Variants in ARHGAP35 observed in about 807,000 individuals in gnomAD.
ARHGAP35 encodes the protein Rho GTPase activating protein 35.
In ARHGAP35, 15 loss-of-function variants were observed where a neutral mutation model predicts 111.1. The ratio of observed to expected loss-of-function variants is 0.13; its 90% CI spans 0.09 to 0.21. The LOEUF is 0.21. Ranked by LOEUF, ARHGAP35 falls within the 10% of genes least tolerant of loss-of-function variation. The pLI, the probability that ARHGAP35 is intolerant of heterozygous loss-of-function variation, is 1.00. For synonymous variants in ARHGAP35, 643 were observed against 710.3 expected (o/e 0.91, Z 1.51); for missense variants, 1,262 against 1,873.0 (o/e 0.67, Z 6.02).
rs2122350794 is a variant in ARHGAP35, at chr19:46,993,970, C to G, written c.4036+4295C>G. ...TAGAAAAAACTAAGTGTCTTGACTC[C>G]CAAAGGGCAGGCTGAGGGAGCAGAG... On this transcript the variant is annotated intron_variant, in intron 5 of 6. Coordinates refer to ENST00000672722, the MANE Select transcript of ARHGAP35 (RefSeq NM_004491.5). The surrounding 1 kb of genome is among the most constrained non-coding windows in gnomAD (Gnocchi z 4.6). Among the ~76,000 whole-genome samples, 1 of 152,296 alleles carries G rather than the reference C, an allele frequency of 6.6e-6. No individual in the cohort carries two copies.
chr19:46,942,949 G>A (rs2056357559), intron 3 of ARHGAP35, among the ~76,000 whole-genome samples: 1 of 151,972 alleles, frequency 6.6e-6, no homozygotes, highest in South Asian at 2.1e-4. Flanking sequence ...TTTGTACTAG[G>A]ATTCAATCAA....
At chr19:46,947,455 T>C (rs888473314) in intron 3 of ARHGAP35, 2 of 152,200 alleles carry the variant, frequency 1.3e-5, no homozygotes, top group African/African-American at 4.8e-5. Context: ...TGGAAAACTC[T>C]TTGGCAGTTT....
chr19:46,940,606 T>A (rs1393065826), intron 3 of ARHGAP35, among the ~76,000 whole-genome samples: 1 of 134,792 alleles, frequency 7.4e-6, no homozygotes, highest in Non-Finnish European at 1.5e-5. Context: ...TGTTTTCCCT[T>A]TTTTTTTTTT....
chr19:46,924,362 C>T (rs926542246), intron 2 of ARHGAP35, among the ~76,000 whole-genome samples: 5 of 152,234 alleles, frequency 3.3e-5, no homozygotes, highest in African/African-American at 9.6e-5. Context: ...CTTTGTGCTA[C>T]ATCCCATAGT....
chr19:46,861,346 CCCCCCCCA>C (rs1015186957), intron 1 of ARHGAP35, among the ~76,000 whole-genome samples, 137 bp downstream of exon 1: 6 of 149,652 alleles, frequency 4.0e-5, no homozygotes, highest in South Asian at 4.2e-4. Flanking sequence ...AGGAGCGGCC[CCCCCCCCA>C]GCCCCCCGGG....
chr19:46,864,458 G>T (rs892619856), intron 1 of ARHGAP35, among the ~76,000 whole-genome samples: 2 of 152,140 alleles, frequency 1.3e-5, no homozygotes, highest in Non-Finnish European at 1.5e-5. Context: ...CAACTGTGAA[G>T]GAGCATTTAC....
At chr19:46,897,674 T>C (rs2056064479) in intron 1 of ARHGAP35, among the ~76,000 whole-genome samples, 1 of 146,926 alleles carries the variant, frequency 6.8e-6, no homozygotes, top group African/African-American at 2.5e-5. Flanking sequence ...TGTAATGGGA[T>C]TTTCAGGCTA....
At chr19:46,929,329 T>C (rs2056257682) in intron 2 of ARHGAP35, among the ~76,000 whole-genome samples, 2 of 152,094 alleles carry the variant, frequency 1.3e-5, no homozygotes, top group African/African-American at 2.4e-5. Context: ...AAGAGAATAA[T>C]TGCCAATCAG....
Position 46,919,327 on chromosome 19 carries a change from T to G in ARHGAP35, c.652T>G (p.Leu218Val). The G allele has an allele frequency of 6.2e-7, 1 of 1,614,024 alleles. No homozygotes were observed. The highest frequency in any genetic ancestry group is 8.5e-7 in the Non-Finnish European group (1 of 1,179,896). ...RYIRDAHTFA[L>V]SKKNLQVVET... Reference sequence around the variant, plus strand: ...CATTAGAGATGCACATACTTTTGCCTTAAGCAAAAAGAACCTCCAGGTTGT... The same window carrying G: ...CATTAGAGATGCACATACTTTTGCCGTAAGCAAAAAGAACCTCCAGGTTGT... Residue 218 changes from leucine to valine, a missense_variant, in exon 2 of 7, where the codon TTA becomes GTA. Leu to Val is a conservative substitution (Grantham distance 32). Coordinates refer to ENST00000672722, the MANE Select transcript of ARHGAP35 (RefSeq NM_004491.5). The surrounding 1 kb of genome is among the most constrained non-coding windows in gnomAD (Gnocchi z 6.2).
intron 1 of ARHGAP35, among the ~76,000 whole-genome samples, chr19:46,891,008 A>G (rs1050923347): frequency 6.6e-6 from 1 of 152,114 alleles, no homozygotes; most frequent in Non-Finnish European, 1.5e-5. Flanking sequence ...TCAGTATGGT[A>G]ATAAGCTTCC....
chr19:46,904,151 G>A (rs2122171418), intron 1 of ARHGAP35, among the ~76,000 whole-genome samples: 1 of 152,220 alleles, frequency 6.6e-6, no homozygotes, highest in Non-Finnish European at 1.5e-5. Flanking sequence ...TGGGAAGTGG[G>A]CGCAAAGCCT....
rs1269483558 is a variant in ARHGAP35, at chr19:46,937,254, T to C, written c.3682-10T>C. On this transcript the variant is annotated splice_polypyrimidine_tract_variant and intron_variant, in intron 2 of 6. Coordinates refer to ENST00000672722, the MANE Select transcript of ARHGAP35 (RefSeq NM_004491.5). The stretch of plus-strand genomic sequence containing the variant: ...TTGTTTTTGTGCTTCCCTTTCTCTT[T>C]CCTGGACAGAAACCAAAGCCCAAAC... 6.2e-7 allele frequency: 1 copy of C among 1,613,704 alleles called. No homozygotes were observed. Among genetic ancestry groups the C allele is most frequent in the South Asian group, 1.1e-5 (1 of 91,068 alleles).
At position 46,988,429 on chromosome 19, in the gene ARHGAP35, TGTGATCC is replaced by T; in HGVS notation, c.3904+364_3904+370del. 1.2e-4 allele frequency: 30 copies of T among 250,210 alleles called. No individual in the cohort carries two copies. The East Asian group carries it at 1.4e-3, about 12-fold the overall frequency. 15.5% of individuals were successfully genotyped at this position (250,210 alleles called of 1,614,324 possible). A position where few individuals can be genotyped will look rare whatever the true frequency, so the allele number is the denominator to read the frequency against. ...ACATGATATACAAGTCGGGTTGAGA[TGTGATCC>T]TGTTTTGCCAGGGCCTCAGATCTAC... On this transcript the variant is annotated intron_variant, in intron 4 of 6. Coordinates refer to ENST00000672722, the MANE Select transcript of ARHGAP35 (RefSeq NM_004491.5). This position sits in a 1 kb window ranked among gnomAD's most constrained non-coding sequence, Gnocchi z 5.4.
Position 47,004,966 on chromosome 19 carries a change from T to A in ARHGAP35, c.*4278T>A, listed in dbSNP as rs1251557668. On this transcript the variant is annotated 3_prime_UTR_variant, in exon 7 of 7. Coordinates refer to ENST00000672722, the MANE Select transcript of ARHGAP35 (RefSeq NM_004491.5). ...TTTTGTTTGGTTTTGTTTTTTAAAA[T>A]CATGTATTTGCTACAAAGTATTGTA... The A allele has an allele frequency of 6.6e-6, 1 of 152,230 alleles. No homozygotes were observed. The highest frequency in any genetic ancestry group is 6.5e-5 in the Admixed American group (1 of 15,282). 9.4% of individuals were successfully genotyped at this position (152,230 alleles called of 1,614,324 possible). A position where few individuals can be genotyped will look rare whatever the true frequency, so the allele number is the denominator to read the frequency against.
intron 1 of ARHGAP35, among the ~76,000 whole-genome samples, chr19:46,866,130 T>C (rs562366294): frequency 6.6e-5 from 10 of 152,242 alleles, no homozygotes; most frequent in Non-Finnish European, 1.0e-4. Context: ...CACGAGCTAC[T>C]GCGCCTGGCC....
At chr19:46,905,561 C>A (rs910829556) in intron 1 of ARHGAP35, among the ~76,000 whole-genome samples, 2 of 146,382 alleles carry the variant, frequency 1.4e-5, no homozygotes, top group Admixed American at 6.8e-5. Context: ...TTCCACCCCC[C>A]CCCCCCAAGA....
At chr19:46,975,464 G>C (rs1020819923) in intron 3 of ARHGAP35, among the ~76,000 whole-genome samples, 12 of 152,132 alleles carry the variant, frequency 7.9e-5, no homozygotes, top group African/African-American at 2.7e-4. Flanking sequence ...CGGCAGCACA[G>C]TGAGAATCCT....
intron 1 of ARHGAP35, among the ~76,000 whole-genome samples, chr19:46,905,371 A>G (rs974248486): frequency 2.7e-5 from 4 of 145,522 alleles, no homozygotes; most frequent in South Asian, 2.2e-4. Context: ...TAGAACTTAA[A>G]CTTTTTTTTT....
chr19:46,982,511 G>T (rs1386094738), intron 3 of ARHGAP35, among the ~76,000 whole-genome samples: 1 of 151,892 alleles, frequency 6.6e-6, no homozygotes, highest in Non-Finnish European at 1.5e-5. Flanking sequence ...ATGCCTAAGG[G>T]CTTGTTTTCG....
Sources: gnomAD v4.1 joint callset for allele counts (sites outside exome capture counted in the v4.1 genomes callset) on GRCh38, gnomAD v4.1.1 for gene constraint, Gnocchi (gnomAD v3.1) non-coding constraint, MANE v1.5 for transcripts, NCBI Gene and HGNC (gene_info 2026-07-23, HGNC 2026-07-21) for gene names.